Variants in TVP23A observed in about 807,000 individuals in gnomAD.
The protein encoded by TVP23A is Golgi apparatus membrane protein TVP23 homolog A.
Under a neutral mutation model 31.7 loss-of-function variants are expected in TVP23A, and 21 were observed. The observed-to-expected ratio is 0.66, with a 90% CI of 0.47 to 0.95. The LOEUF is 0.95. Among genes scored for constraint, TVP23A ranks in the 40% least tolerant of loss-of-function variants. The probability of loss-of-function intolerance (pLI) is 0.00; values close to 1 mark genes in which losing one functional copy is unlikely to be tolerated. For missense variants in TVP23A, 279 were observed against 255.6 expected, an observed-to-expected ratio of 1.09 and a Z score of -0.62; for synonymous variants, 104 against 96.0, an observed-to-expected ratio of 1.08 and a Z score of -0.49.
intron 2 of TVP23A, among the ~76,000 whole-genome samples, chr16:10,816,349 T>C (rs868184230): frequency 7.2e-5 from 11 of 152,000 alleles, no homozygotes; most frequent in African/African-American, 2.7e-4. Flanking sequence ...ATTTTTTTTT[T>C]TTGAGACAGG....
rs756228317 is a variant in TVP23A, at chr16:10,774,991, C to T, written c.195G>A (p.Met65Ile). The T allele has an allele frequency of 1.2e-6, 2 of 1,612,914 alleles. No individual in the cohort carries two copies. The highest frequency in any genetic ancestry group is 1.7e-6 in the Non-Finnish European group (2 of 1,179,436). Reference protein sequence around the residue: ...FSKSFVGCFVMVLLLLSLDFW... With the variant: ...FSKSFVGCFVIVLLLLSLDFW... ...AGTCCAGGGACAGGAGGAGCAGCAC[C>T]ATGACAAAACAGCCCACAAAGCTCT... The change falls in exon 3 of 8, where the codon ATG becomes ATA. Residue 65 changes from methionine to isoleucine, a missense_variant. Physicochemically the swap from Met to Ile is conservative, Grantham distance 10. Coordinates refer to ENST00000299866, the MANE Select transcript of TVP23A (RefSeq NM_001079512.4).
chr16:10,797,794 G>C (rs540775288), intron 2 of TVP23A, among the ~76,000 whole-genome samples: 3 of 152,062 alleles, frequency 2.0e-5, no homozygotes, highest in African/African-American at 4.8e-5. Context: ...TCTGTGGTTT[G>C]CTTCAAAATG....
At chr16:10,788,594 C>A (rs957488903) in intron 2 of TVP23A, among the ~76,000 whole-genome samples, 4 of 152,084 alleles carry the variant, frequency 2.6e-5, no homozygotes, top group South Asian at 2.1e-4. Flanking sequence ...AAGGTGGGAG[C>A]CAGGGGGCCA....
At chr16:10,782,166 A>G (rs567314118) in intron 2 of TVP23A, among the ~76,000 whole-genome samples, 1 of 152,060 alleles carries the variant, frequency 6.6e-6, no homozygotes, top group Non-Finnish European at 1.5e-5. Flanking sequence ...CTGGCCAAAT[A>G]ACACAACCTT....
At chr16:10,772,689 A>G (rs2031718439) in intron 5 of TVP23A, among the ~76,000 whole-genome samples, 1 of 152,160 alleles carries the variant, frequency 6.6e-6, no homozygotes, top group Non-Finnish European at 1.5e-5. Flanking sequence ...CATTTATATG[A>G]AATGCCCAGA....
intron 2 of TVP23A, among the ~76,000 whole-genome samples, chr16:10,791,153 T>C (rs1228952596): frequency 1.3e-5 from 2 of 152,282 alleles, no homozygotes; most frequent in East Asian, 3.9e-4. Flanking sequence ...ACTCTACTTA[T>C]TGCTTGACTC....
rs1555487740 is a variant in TVP23A, at chr16:10,814,599, C to CA, written c.89+3503_89+3504insT. Among the ~76,000 whole-genome samples the CA allele has an allele frequency of 1.4e-3, 215 of 152,246 alleles. 1 individual carries two copies. Among genetic ancestry groups the CA allele is most frequent in the African/African-American group, 5.1e-3 (212 of 41,500 alleles). ...TACTTCCACCCCAACAACCCAGCCTCCATCACTGCCCTGAGCAAAATCCTT... is the reference window on the plus strand; with the variant it reads ...TACTTCCACCCCAACAACCCAGCCTCACATCACTGCCCTGAGCAAAATCCTT... On this transcript the variant is annotated intron_variant, in intron 2 of 7. Coordinates refer to ENST00000299866, the MANE Select transcript of TVP23A (RefSeq NM_001079512.4).
chr16:10,795,771 C>T (rs948105874), intron 2 of TVP23A, among the ~76,000 whole-genome samples: 5 of 152,126 alleles, frequency 3.3e-5, no homozygotes, highest in African/African-American at 4.8e-5. Context: ...AGAATGCCAC[C>T]GCCCTGTCAC....
chr16:10,758,180 T>G (rs745859066), downstream of TVP23A, among the ~76,000 whole-genome samples: 3 of 152,142 alleles, frequency 2.0e-5, no homozygotes, highest in Non-Finnish European at 4.4e-5. Flanking sequence ...AACCTCGTGT[T>G]AAAAACTTCA....
Position 10,769,571 on chromosome 16 carries a change from T to A in TVP23A, c.*1-470A>T, listed in dbSNP as rs114408656. The stretch of plus-strand genomic sequence containing the variant: ...CACAGTCCAAACGCTTTTCTTCAGA[T>A]TGAGGAAAAATCTAAAAGCAACAGA... On this transcript the variant is annotated intron_variant, in intron 7 of 7. Transcript: ENST00000299866. 7.9e-3 allele frequency: 1,227 copies of A among 156,184 alleles called. 20 individuals carry two copies. The highest frequency in any genetic ancestry group is 0.028 in the African/African-American group (1,159 of 41,590). 9.7% of individuals were successfully genotyped at this position (156,184 alleles called of 1,614,324 possible). A position where few individuals can be genotyped will look rare whatever the true frequency, so the allele number is the denominator to read the frequency against.
chr16:10,761,124 C>A (rs1233730133), downstream of TVP23A: 3 of 395,126 alleles, frequency 7.6e-6, no homozygotes, highest in African/African-American at 6.2e-5. Flanking sequence ...GGGGAAACTG[C>A]CCCCATGATC....
chr16:10,793,899 A>G (rs12931131), intron 2 of TVP23A, among the ~76,000 whole-genome samples: 1 of 82,266 alleles, frequency 1.2e-5, no homozygotes, highest in Non-Finnish European at 2.2e-5. Context: ...ACCCTGTCTC[A>G]CCAAAAAAAA....
intron 2 of TVP23A, among the ~76,000 whole-genome samples, chr16:10,803,081 C>T (rs924646025): frequency 1.2e-4 from 18 of 152,074 alleles, no homozygotes; most frequent in Admixed American, 7.2e-4. Context: ...GTCAGGAGTT[C>T]AAGACCAGCC....
intron 2 of TVP23A, among the ~76,000 whole-genome samples, chr16:10,791,928 G>T (rs557775343): frequency 5.7e-4 from 87 of 152,320 alleles, no homozygotes; most frequent in African/African-American, 2.0e-3. Flanking sequence ...CCAGCCATGT[G>T]TACAGTAAGA....
At chr16:10,762,109 G>A (rs1260664379), downstream of TVP23A, 1 of 379,226 alleles carries the variant, frequency 2.6e-6, no homozygotes, top group Non-Finnish European at 4.8e-6. Flanking sequence ...ATGGGGTAGA[G>A]GTTGGTGAGG....
chr16:10,771,822 A>C, intron 5 of TVP23A, 24 bp from the exon 6 acceptor site: 1 of 1,553,020 alleles, frequency 6.4e-7, no homozygotes, highest in Non-Finnish European at 8.7e-7. Context: ...AAGAAAGCAA[A>C]GGTCACTTTT....
rs897803423 is a variant in TVP23A, at chr16:10,777,732, C to T, written c.90-2636G>A. On this transcript the variant is annotated intron_variant, in intron 2 of 7. Transcript: ENST00000299866. The surrounding 1 kb of genome is among the most constrained non-coding windows in gnomAD (Gnocchi z 4.5). ...CTTTTAAGAATTAGACAGGATCAAG[C>T]CGGGCGTGGTGGCTCACGCCTGTAA... is the stretch of plus-strand genomic sequence containing the variant. Among the ~76,000 whole-genome samples the T allele has an allele frequency of 7.9e-5, 12 of 152,198 alleles. No homozygotes were observed. The highest frequency in any genetic ancestry group is 2.9e-4 in the African/African-American group (12 of 41,468).
downstream of TVP23A, among the ~76,000 whole-genome samples, chr16:10,759,234 G>A (rs898392427): frequency 6.6e-6 from 1 of 152,218 alleles, no homozygotes; most frequent in East Asian, 1.9e-4. This position sits in a 1 kb window ranked among gnomAD's most constrained non-coding sequence, Gnocchi z 4.7. Context: ...CACAGGTGCT[G>A]GACACAGGGA....
At chr16:10,793,231 G>A (rs556012541) in intron 2 of TVP23A, among the ~76,000 whole-genome samples, 1 of 152,218 alleles carries the variant, frequency 6.6e-6, no homozygotes, top group African/African-American at 2.4e-5. Context: ...AGCCAAGATC[G>A]CACCACTGCA....
Sources: allele counts gnomAD v4.1 joint callset (sites outside exome capture counted in the v4.1 genomes callset), GRCh38; gene constraint gnomAD v4.1.1; non-coding constraint Gnocchi (gnomAD v3.1); transcripts MANE v1.5; gene names NCBI Gene and HGNC (gene_info 2026-07-23, HGNC 2026-07-21).